The following RYR1 variants were observed in gnomAD, a reference collection of about 807,000 sequenced individuals.
The protein encoded by RYR1 is central core disease of muscle.
A neutral mutation model predicts 583.5 loss-of-function variants in RYR1; 342 were observed. That is an observed-to-expected ratio of 0.59 (90% confidence interval 0.54 to 0.64). The LOEUF (loss-of-function observed/expected upper bound fraction) is 0.64, where lower values mean the gene tolerates loss of function less well. RYR1 is among the 30% of genes least tolerant of loss of function. The pLI is 0.00. For missense variants in RYR1, 6,032 were observed against 6,917.2 expected (o/e 0.87, Z 4.54); for synonymous variants, 2,791 against 2,822.5 (o/e 0.99, Z 0.35).
intron 58 of RYR1, among the ~76,000 whole-genome samples, chr19:38,509,838 CTAATT>C (rs1301138148): frequency 3.3e-5 from 5 of 152,294 alleles, no homozygotes; most frequent in African/African-American, 9.6e-5. Flanking sequence ...GAAATTAACT[CTAATT>C]TGTTTACATT....
chr19:38,531,298 T>G lies in RYR1; in HGVS notation c.11142-1192T>G, dbSNP rs540897920. ...CTGGAGTTTGGCCATCCAAGTTGAGTCCCAGCGCAAGCTGTGTGATCCCAG... is the reference window on the plus strand; with the variant it reads ...CTGGAGTTTGGCCATCCAAGTTGAGGCCCAGCGCAAGCTGTGTGATCCCAG... On this transcript the variant is annotated intron_variant, in intron 76 of 105. Transcript: ENST00000359596. 2.0e-5 allele frequency among the ~76,000 whole-genome samples: 3 copies of G among 151,982 alleles called. No homozygotes were observed. In the East Asian group the frequency reaches 5.8e-4, roughly 29 times the overall value.
At chr19:38,548,177 G>GGTGGGGCCCCAGAAGGGA in intron 88 of RYR1, 56 bp from the exon 89 acceptor site, 6 of 1,603,166 alleles carry the variant, frequency 3.7e-6, no homozygotes, top group Non-Finnish European at 5.1e-6. Context: ...AGGCAAGCCT[G>GGTGGGGCCCCAGAAGGGA]GTGGGGCCCC....
Position 38,512,633 on chromosome 19 carries a change from T to G in RYR1, c.9472+150T>G, listed in dbSNP as rs1970782954. The G allele has an allele frequency of 1.3e-6, 1 of 767,720 alleles. No individual in the cohort carries two copies. The highest frequency in any genetic ancestry group is 2.2e-6 in the Non-Finnish European group (1 of 450,650). The allele number at this position is 767,720 out of a possible 1,614,324, so 47.6% of individuals were successfully genotyped here. On this transcript the variant is annotated intron_variant, in intron 63 of 105. Transcript: ENST00000359596. This position sits in a 1 kb window ranked among gnomAD's most constrained non-coding sequence, Gnocchi z 5.1. ...AGTCAGTACCTTGGCAGGTGGCAAA[T>G]GAGTTAATGAGGACGCGAGCTCAGC...
chr19:38,478,540 C>A lies in RYR1; in HGVS notation c.4560C>A (p.Asp1520Glu). The A allele has an allele frequency of 6.2e-7, 1 of 1,614,134 alleles. No homozygotes were observed. The highest frequency in any genetic ancestry group is 8.5e-7 in the Non-Finnish European group (1 of 1,180,040). The change falls in exon 31 of 106, where the codon GAC becomes GAA. Residue 1520 changes from aspartate (D) to glutamate (E), a missense_variant. Physicochemically the swap from Asp to Glu is conservative, Grantham distance 45 (BLOSUM62 2). Transcript: ENST00000359596. ...ACCTTGTCATTGGGTGCCTGGTGGA[C>A]TTGGCCACTGGCTTAATGACCTTTA... ...HTDLVIGCLV[D>E]LATGLMTFTA...
intron 67 of RYR1, among the ~76,000 whole-genome samples, chr19:38,522,681 G>A (rs1740660730): frequency 1.3e-5 from 2 of 152,130 alleles, no homozygotes; most frequent in Admixed American, 1.3e-4. Flanking sequence ...TGGGCACAGT[G>A]GCTTACACCT....
Position 38,565,213 on chromosome 19 carries a change from G to C in RYR1, c.12879G>C (p.Ala4293=), listed in dbSNP as rs193922854. 0.015 allele frequency: 15,170 copies of C among 994,122 alleles called. 126 individuals carry two copies. The highest frequency in any genetic ancestry group is 0.017 in the Non-Finnish European group (14,443 of 837,354). The allele number at this position is 994,122 out of a possible 1,614,324, so 61.6% of individuals were successfully genotyped here. ...EGTAATAAAG[A]TARVVAAAGR... ...CGGCGGCCACGGCGGCGGCGGGGGCGACGGCGCGGGTTGTGGCGGCCGCAG... is the reference window on the plus strand; with the variant it reads ...CGGCGGCCACGGCGGCGGCGGGGGCCACGGCGCGGGTTGTGGCGGCCGCAG... Residue 4293 remains alanine, a synonymous_variant, in exon 91 of 106, where the codon GCG becomes GCC. Transcript: ENST00000359596. This position sits in a 1 kb window ranked among gnomAD's most constrained non-coding sequence, Gnocchi z 4.7.
At chr19:38,569,332 T>C (rs899613238) in intron 93 of RYR1, among the ~76,000 whole-genome samples, 2 of 152,092 alleles carry the variant, frequency 1.3e-5, no homozygotes, top group African/African-American at 4.8e-5. Context: ...TTTTTTTTTT[T>C]TAATTACTGC....
chr19:38,502,596 C>T lies in RYR1; in HGVS notation c.7704C>T (p.Leu2568=), dbSNP rs567574549. 1.1e-5 allele frequency: 17 copies of T among 1,612,800 alleles called. No individual in the cohort carries two copies. The highest frequency in any genetic ancestry group is 6.7e-5 in the East Asian group (3 of 44,882). The change falls in exon 48 of 106, where the codon CTC becomes CTT. Residue 2568 remains leucine, a synonymous_variant. Transcript: ENST00000359596. ...VLPLITKCAP[L]FAGTEHRAIM... is the part of the protein sequence containing the mutation. Reference sequence around the variant, plus strand: ...CGCTCATCACCAAGTGTGCGCCGCTCTTTGCGGGCACAGAACACCGCGCCA... The same window carrying T: ...CGCTCATCACCAAGTGTGCGCCGCTTTTTGCGGGCACAGAACACCGCGCCA...
rs766665861 is a variant in RYR1, at chr19:38,516,205, C to T, written c.9673C>T (p.Arg3225Trp). The change falls in exon 65 of 106, where the codon CGG (arginine) becomes TGG (tryptophan). Residue 3225 changes from arginine (R) to tryptophan (W), a missense_variant. Arg to Trp is a moderately radical substitution (Grantham distance 101). Around this residue, in one of 11 missense-constraint regions of RYR1, gnomAD observed 1,493 missense variants for 1,715.5 expected, o/e 0.87. Coordinates refer to ENST00000359596, the MANE Select transcript of RYR1 (RefSeq NM_000540.3). ...CTCCGTGTACACCACCAAGTCTCCGCGGGAGCGGGCCAGTAAGCTGTGTGG... is the reference window on the plus strand; with the variant it reads ...CTCCGTGTACACCACCAAGTCTCCGTGGGAGCGGGCCAGTAAGCTGTGTGG... The part of the protein sequence containing the change: ...ACSVYTTKSP[R>W]ERAILGLPNS... 9.5e-6 allele frequency: 15 copies of T among 1,584,366 alleles called. No individual in the cohort carries two copies. Among genetic ancestry groups the T allele is most frequent in the South Asian group, 8.1e-5 (7 of 86,760 alleles).
Position 38,580,029 on chromosome 19 carries a change from C to T in RYR1, c.14412C>T (p.His4804=). Residue 4804 remains histidine (H), a synonymous_variant, in exon 100 of 106, where the codon CAC becomes CAT. Coordinates refer to ENST00000359596, the MANE Select transcript of RYR1 (RefSeq NM_000540.3). ...ATATGGTGATGTCCCTCTTGGGACA[C>T]TACAACAACTTCTTCTTTGCTGCCC... The part of the protein sequence containing the change: ...GWYMVMSLLG[H]YNNFFFAAHL... The T allele has an allele frequency of 6.2e-7, 1 of 1,614,184 alleles. No individual in the cohort carries two copies. Among genetic ancestry groups the T allele is most frequent in the African/African-American group, 1.3e-5 (1 of 75,056 alleles).
intron 52 of RYR1, 44 bp downstream of exon 52, chr19:38,505,125 A>G: frequency 6.4e-7 from 1 of 1,567,080 alleles, no homozygotes; most frequent in Non-Finnish European, 8.8e-7. Context: ...TCAAGACCCC[A>G]GCTTTCCCCC....
In RYR1 at chr19:38,556,479, T is replaced by TA. The variant is rs199640435; in HGVS notation, c.12283-4620dup. Among the ~76,000 whole-genome samples the TA allele has an allele frequency of 2.1e-3, 290 of 141,448 alleles. 1 individual carries two copies. The highest frequency in any genetic ancestry group is 7.3e-3 in the East Asian group (36 of 4,902). The allele number at this position is 141,448 out of a possible 152,430, so 92.8% of individuals were successfully genotyped here. The stretch of plus-strand genomic sequence containing the variant: ...CCTGGGCAACTGAGCAAGACTCTGT[T>TA]AAAAAAAAAAAAAAGTAAAATGAAA... On this transcript the variant is annotated intron_variant, in intron 89 of 105. Transcript: ENST00000359596.
At position 38,463,814 on chromosome 19, in the gene RYR1, G is replaced by A. The variant is rs1234411289; in HGVS notation, c.2750G>A (p.Arg917Lys). The A allele has an allele frequency of 1.9e-6, 3 of 1,614,124 alleles. No homozygotes were observed. The East Asian group carries it at 6.7e-5, about 36-fold the overall frequency. The change falls in exon 22 of 106, where the codon AGG becomes AAG. Residue 917 changes from arginine (R) to lysine (K), a missense_variant. By Grantham distance (26) the Arg-to-Lys change is conservative. This residue lies in a region of RYR1 where 2,627 missense variants were observed against 2,961.3 expected (regional missense o/e 0.89). Coordinates refer to ENST00000359596, the MANE Select transcript of RYR1 (RefSeq NM_000540.3). ...TTCCACAGCCTTCCAGAGCCTGAGAGGAACTACAACCTGCAGATGTCTGGG... is the reference window on the plus strand; with the variant it reads ...TTCCACAGCCTTCCAGAGCCTGAGAAGAACTACAACCTGCAGATGTCTGGG... The part of the protein sequence containing the change: ...VDFHSLPEPE[R>K]NYNLQMSGET...
At position 38,570,593 on chromosome 19, in the gene RYR1, C is replaced by A; in HGVS notation, c.13660-14C>A. 6.2e-7 allele frequency: 1 copy of A among 1,607,966 alleles called. No homozygotes were observed. The highest frequency in any genetic ancestry group is 8.5e-7 in the Non-Finnish European group (1 of 1,174,442). The stretch of plus-strand genomic sequence containing the variant: ...ATCTGTGAGCGCTTTCTCTCTTTTT[C>A]TCTTCTCTCTCAGAACTACCTGTCC... On this transcript the variant is annotated splice_polypyrimidine_tract_variant and intron_variant, in intron 93 of 105. Coordinates refer to ENST00000359596, the MANE Select transcript of RYR1 (RefSeq NM_000540.3).
Position 38,439,715 on chromosome 19 carries a change from C to T in RYR1, c.46-1030C>T, listed in dbSNP as rs80156336. ...TAGAGATGGGGTTTCACCATGTTGGCCAGGCTGGTCTCGAACTCCTGACCT... is the reference window on the plus strand; with the variant it reads ...TAGAGATGGGGTTTCACCATGTTGGTCAGGCTGGTCTCGAACTCCTGACCT... On this transcript the variant is annotated intron_variant, in intron 1 of 105. Transcript: ENST00000359596. Among the ~76,000 whole-genome samples, 266 of 150,924 alleles carry T rather than the reference C, an allele frequency of 1.8e-3. 5 individuals are homozygous for T. In the East Asian group the frequency reaches 0.033, roughly 19 times the overall value.
chr19:38,439,635 T>A (rs968361062), intron 1 of RYR1, among the ~76,000 whole-genome samples: 14 of 152,006 alleles, frequency 9.2e-5, no homozygotes. Flanking sequence ...GACTCCCGAG[T>A]AGCTGGAACT....
chr19:38,587,557 C>G lies in RYR1; in HGVS notation c.*137C>G, dbSNP rs1974553852. The G allele has an allele frequency of 1.3e-6, 1 of 775,476 alleles. No individual in the cohort carries two copies. The allele number at this position is 775,476 out of a possible 1,614,324, so 48.0% of individuals were successfully genotyped here. ...CTGGAAAATAAATCTGTGCTACGCC[C>G]CCCAGCATCACTGTGTTGGCCTGCT... On this transcript the variant is annotated 3_prime_UTR_variant, in exon 106 of 106. Coordinates refer to ENST00000359596, the MANE Select transcript of RYR1 (RefSeq NM_000540.3).
chr19:38,578,211 A>G lies in RYR1; in HGVS notation c.14364+7A>G. 6.2e-7 allele frequency: 1 copy of G among 1,613,098 alleles called. No homozygotes were observed. Among genetic ancestry groups the G allele is most frequent in the Non-Finnish European group, 8.5e-7 (1 of 1,179,586 alleles). ...GGTCATCTTCACAGACAACGTGAGC[A>G]GGGGCCCACAGACTGGGGAGGGACT... On this transcript the variant is annotated splice_region_variant and intron_variant, in intron 99 of 105. Coordinates refer to ENST00000359596, the MANE Select transcript of RYR1 (RefSeq NM_000540.3).
At chr19:38,546,655 T>C in intron 88 of RYR1, 129 bp downstream of exon 88, 1 of 761,478 alleles carries the variant, frequency 1.3e-6, no homozygotes. Context: ...CATGGGTTGA[T>C]GAAGAAGCCA....
Sources: gnomAD v4.1 joint callset for allele counts (sites outside exome capture counted in the v4.1 genomes callset) on GRCh38, gnomAD v4.1.1 for gene constraint, gnomAD v4.1.1 regional missense constraint, Gnocchi (gnomAD v3.1) non-coding constraint, MANE v1.5 for transcripts, NCBI Gene and HGNC (gene_info 2026-07-23, HGNC 2026-07-21) for gene names.